Variants in PTPMT1 observed in about 807,000 individuals in gnomAD.
PTPMT1 encodes phosphatidylglycerophosphatase and protein-tyrosine phosphatase 1.
Under a neutral mutation model 17.8 loss-of-function variants are expected in PTPMT1, and 12 were observed. The observed-to-expected ratio is 0.67, with a 90% confidence interval of 0.43 to 1.09. The LOEUF is 1.09. PTPMT1 is among the 50% of genes least tolerant of loss of function. The pLI is 0.00. For missense variants in PTPMT1, 262 were observed against 266.0 expected (o/e 0.99, Z 0.10); for synonymous variants, 132 against 116.8 (o/e 1.13, Z -0.84).
At chr11:47,566,550 G>T (rs1002486627) in intron 2 of PTPMT1, among the ~76,000 whole-genome samples, 1 of 149,194 alleles carries the variant, frequency 6.7e-6, no homozygotes, top group Non-Finnish European at 1.5e-5. Context: ...GTGAACAAAT[G>T]TAATGTATTC....
intron 2 of PTPMT1, among the ~76,000 whole-genome samples, chr11:47,567,838 C>T (rs1049897728): frequency 1.3e-5 from 2 of 152,068 alleles, no homozygotes; most frequent in African/African-American, 2.4e-5. Flanking sequence ...GGATTACAGG[C>T]GTGAGCCACC....
Position 47,571,522 on chromosome 11 carries a change from T to C in PTPMT1, c.499T>C (p.Ser167Pro). 1.2e-6 allele frequency: 2 copies of C among 1,614,006 alleles called. No individual in the cohort carries two copies. Among genetic ancestry groups the C allele is most frequent in the Non-Finnish European group, 8.5e-7 (1 of 1,180,008 alleles). The change falls in exon 4 of 4, where the codon TCA becomes CCA. Residue 167 changes from serine to proline, a missense_variant. Coordinates refer to ENST00000326674, the MANE Select transcript of PTPMT1 (RefSeq NM_175732.3). ...TGTAAGAGCCATCGCCAAGATCCGGTCATACATCCACATCAGGCCTGGCCA... is the reference window on the plus strand; with the variant it reads ...TGTAAGAGCCATCGCCAAGATCCGGCCATACATCCACATCAGGCCTGGCCA... ...EAVRAIAKIR[S>P]YIHIRPGQLD... is the part of the protein sequence containing the mutation.
At chr11:47,569,920 C>T (rs752914232) in intron 3 of PTPMT1, 29 bp downstream of exon 3, 11 of 1,573,148 alleles carry the variant, frequency 7.0e-6, no homozygotes, top group African/African-American at 1.3e-5. Flanking sequence ...GGCTGGGCAT[C>T]GTGGTACACA....
At chr11:47,569,664 TC>T in intron 2 of PTPMT1, 35 bp from the exon 3 acceptor site, 1 of 1,543,018 alleles carries the variant, frequency 6.5e-7, no homozygotes. Context: ...TAGTTTTTTT[TC>T]ATTCTCTTTT....
At chr11:47,569,944 C>T in intron 3 of PTPMT1, 53 bp downstream of exon 3, 1 of 1,457,130 alleles carries the variant, frequency 6.9e-7, no homozygotes, top group East Asian at 2.3e-5. Flanking sequence ...ATGATCCCAG[C>T]ACTTTGGGAG....
chr11:47,568,755 G>C (rs531501498), intron 2 of PTPMT1, among the ~76,000 whole-genome samples: 1 of 151,972 alleles, frequency 6.6e-6, no homozygotes, highest in Non-Finnish European at 1.5e-5. Flanking sequence ...ACAATGGTGC[G>C]ATCTCTGCTC....
Position 47,571,474 on chromosome 11 carries a change from C to A in PTPMT1, c.451C>A (p.His151Asn). Residue 151 changes from histidine (H) to asparagine (N), a missense_variant, in exon 4 of 4, where the codon CAC (histidine) becomes AAC (asparagine). By Grantham distance (68) the His-to-Asn change is moderately conservative. Coordinates refer to ENST00000326674, the MANE Select transcript of PTPMT1 (RefSeq NM_175732.3). Reference protein sequence around the residue: ...TMVAAYLIQVHKWSPEEAVRA... With the variant: ...TMVAAYLIQVNKWSPEEAVRA... ...ATTTCCCAACCCTGTACTTCAGGTG[C>A]ACAAATGGAGTCCAGAGGAGGCTGT... The A allele has an allele frequency of 6.2e-7, 1 of 1,613,660 alleles. No homozygotes were observed. The highest frequency in any genetic ancestry group is 2.2e-5 in the East Asian group (1 of 44,874).
At position 47,573,275 on chromosome 11, in the gene PTPMT1, G is replaced by A; in HGVS notation, c.*1646G>A. The A allele has an allele frequency of 6.2e-7, 1 of 1,614,128 alleles. No individual in the cohort carries two copies. The highest frequency in any genetic ancestry group is 8.5e-7 in the Non-Finnish European group (1 of 1,180,018). Reference sequence around the variant, plus strand: ...TCACATGGCATTTGTCTGTCTCTGTGTCAAAGCACTGGATGAGTCGGGAAG... The same window carrying A: ...TCACATGGCATTTGTCTGTCTCTGTATCAAAGCACTGGATGAGTCGGGAAG... On this transcript the variant is annotated 3_prime_UTR_variant, in exon 4 of 4. Transcript: ENST00000326674. This position sits in a 1 kb window ranked among gnomAD's most constrained non-coding sequence, Gnocchi z 4.1.
At chr11:47,570,011 G>A in intron 3 of PTPMT1, 120 bp downstream of exon 3, 1 of 740,044 alleles carries the variant, frequency 1.4e-6, no homozygotes, top group Non-Finnish European at 2.2e-6. Flanking sequence ...TGGGCAACAT[G>A]GCAAAACCGT....
rs1001981342 is a variant in PTPMT1, at chr11:47,573,244, A to G, written c.*1615A>G. On this transcript the variant is annotated 3_prime_UTR_variant, in exon 4 of 4. Coordinates refer to ENST00000326674, the MANE Select transcript of PTPMT1 (RefSeq NM_175732.3). The surrounding 1 kb of genome is among the most constrained non-coding windows in gnomAD (Gnocchi z 4.1). ...ATGCGGCCTGCAAAGGGCAGCACAT[A>G]GGGCTTCACATGGCATTTGTCTGTC... 1.2e-6 allele frequency: 2 copies of G among 1,614,148 alleles called. No homozygotes were observed. The highest frequency in any genetic ancestry group is 1.7e-6 in the Non-Finnish European group (2 of 1,180,026).
At position 47,565,816 on chromosome 11, in the gene PTPMT1, C is replaced by T; in HGVS notation, c.174+20C>T. The T allele has an allele frequency of 1.3e-6, 2 of 1,586,664 alleles. No individual in the cohort carries two copies. The highest frequency in any genetic ancestry group is 1.7e-6 in the Non-Finnish European group (2 of 1,167,544). On this transcript the variant is annotated intron_variant, in intron 1 of 3. Transcript: ENST00000326674. ...CGCCAGGTGAGCCGGGCCGGGGAGC[C>T]CGGGCCCCTGCCCCGTCCCCGCCGC...
chr11:47,568,956 G>A (rs1335733838), intron 2 of PTPMT1, among the ~76,000 whole-genome samples: 1 of 151,624 alleles, frequency 6.6e-6, no homozygotes, highest in Non-Finnish European at 1.5e-5. Context: ...CTTGCAAACT[G>A]TTGGGATTAC....
chr11:47,566,468 G>A (rs1598776257), intron 2 of PTPMT1, among the ~76,000 whole-genome samples: 1 of 135,424 alleles, frequency 7.4e-6, no homozygotes, highest in East Asian at 2.1e-4. Flanking sequence ...AGCCTTGGGC[G>A]ACAGGAGTGA....
In PTPMT1 at chr11:47,565,914, G is replaced by C. The variant is rs769211009; in HGVS notation, c.183G>C (p.Gln61His). 5.6e-6 allele frequency: 9 copies of C among 1,611,968 alleles called. No homozygotes were observed. The highest frequency in any genetic ancestry group is 1.7e-4 in the Middle Eastern group (1 of 6,050). Residue 61 changes from glutamine to histidine, a missense_variant, in exon 2 of 4, where the codon CAG (glutamine) becomes CAC (histidine). Gln to His is a conservative substitution (Grantham distance 24). Transcript: ENST00000326674. ...CCTCTTTGCCTCGGCAGCTGGTACAGGACGAGAACGTGCGCGGGGTGATCA... is the reference window on the plus strand; with the variant it reads ...CCTCTTTGCCTCGGCAGCTGGTACACGACGAGAACGTGCGCGGGGTGATCA... ...PLRSLTRQLV[Q>H]DENVRGVITM...
Position 47,571,139 on chromosome 11 carries a change from C to T in PTPMT1, c.448-332C>T, listed in dbSNP as rs867092526. On this transcript the variant is annotated intron_variant, in intron 3 of 3. Transcript: ENST00000326674. The stretch of plus-strand genomic sequence containing the variant: ...AATTCTTGTAACCAAAAGCCCAGCT[C>T]GGAGAGGACGTGGAGTAGGCTGAGG... 2.0e-5 allele frequency among the ~76,000 whole-genome samples: 3 copies of T among 152,224 alleles called. 1 individual carries two copies. In the Middle Eastern group the frequency reaches 0.01, roughly 518 times the overall value.
chr11:47,571,320 T>C (rs1190381866), intron 3 of PTPMT1, 151 bp from the exon 4 acceptor site: 1 of 642,718 alleles, frequency 1.6e-6, no homozygotes, highest in Non-Finnish European at 2.6e-6. Flanking sequence ...CTCTCCCATT[T>C]ATAATACAAG....
chr11:47,567,903 G>A (rs901015863), intron 2 of PTPMT1, among the ~76,000 whole-genome samples: 4 of 151,988 alleles, frequency 2.6e-5, no homozygotes, highest in Non-Finnish European at 5.9e-5. Context: ...GAAGGTCAGT[G>A]CATTGTTTTA....
intron 2 of PTPMT1, among the ~76,000 whole-genome samples, chr11:47,567,898 T>C (rs1039519074): frequency 7.9e-5 from 12 of 151,884 alleles, no homozygotes; most frequent in Non-Finnish European, 1.8e-4. Flanking sequence ...CTAATGAAGG[T>C]CAGTGCATTG....
In PTPMT1 at chr11:47,572,813, G is replaced by GCA; in HGVS notation, c.*1186_*1187dup. On this transcript the variant is annotated 3_prime_UTR_variant, in exon 4 of 4. Coordinates refer to ENST00000326674, the MANE Select transcript of PTPMT1 (RefSeq NM_175732.3). ...TCCATGGATTCAGGGAAGGGCTGAG[G>GCA]CACTGCCTTTCTAGTATGTGCCAAA... The GCA allele has an allele frequency of 9.5e-7, 1 of 1,054,222 alleles. No individual in the cohort carries two copies. The highest frequency in any genetic ancestry group is 1.4e-6 in the Non-Finnish European group (1 of 731,616). The allele number at this position is 1,054,222 out of a possible 1,614,324, so 65.3% of individuals were successfully genotyped here. A position where few individuals can be genotyped will look rare whatever the true frequency, so the allele number is the denominator to read the frequency against.
Sources: gnomAD v4.1 joint callset for allele counts (sites outside exome capture counted in the v4.1 genomes callset) on GRCh38, gnomAD v4.1.1 for gene constraint, Gnocchi (gnomAD v3.1) non-coding constraint, MANE v1.5 for transcripts, NCBI Gene and HGNC (gene_info 2026-07-23, HGNC 2026-07-21) for gene names.